The following SNTB1 variants were observed in gnomAD, a reference collection of about 807,000 sequenced individuals.
SNTB1 encodes beta-1-syntrophin.
A neutral mutation model predicts 48.9 loss-of-function variants in SNTB1; 36 were observed. The observed-to-expected ratio is 0.74, with a 90% CI of 0.56 to 0.97. The LOEUF (loss-of-function observed/expected upper bound fraction) is 0.97. Among genes scored for constraint, SNTB1 ranks in the 50% least tolerant of loss-of-function variants. The pLI, the probability that SNTB1 is intolerant of heterozygous loss-of-function variation, is 0.00. For missense variants in SNTB1, 786 were observed against 703.4 expected, an observed-to-expected ratio of 1.12 and a Z score of -1.33; for synonymous variants, 299 against 294.6, an observed-to-expected ratio of 1.01 and a Z score of -0.15.
chr8:120,605,996 C>A (rs1816509939), intron 3 of SNTB1, among the ~76,000 whole-genome samples: 2 of 152,056 alleles, frequency 1.3e-5, no homozygotes, highest in South Asian at 4.1e-4. Flanking sequence ...CCCTACTCGT[C>A]CCTGCATCTG....
chr8:120,772,068 C>T (rs1005673989), intron 1 of SNTB1, among the ~76,000 whole-genome samples: 2 of 152,016 alleles, frequency 1.3e-5, no homozygotes. Context: ...CAAGGTTTCA[C>T]CATGTTGGCC....
intron 2 of SNTB1, chr8:120,636,045 C>A: frequency 1.1e-6 from 1 of 929,412 alleles, no homozygotes; most frequent in Non-Finnish European, 1.5e-6. Flanking sequence ...CTAAAGAACT[C>A]AAGGCTTTTT....
intron 3 of SNTB1, among the ~76,000 whole-genome samples, chr8:120,608,117 A>C (rs1382446726): frequency 1.3e-5 from 2 of 152,212 alleles, no homozygotes; most frequent in Non-Finnish European, 2.9e-5. Flanking sequence ...CTTTGGGATA[A>C]AGCTGCTCTG....
rs549003348 is a variant in SNTB1, at chr8:120,744,486, C to G, written c.572-50578G>C. The stretch of plus-strand genomic sequence containing the variant: ...GGATCATTCTCACCCCCTCAGAATA[C>G]AAATGCAAACCTTTCAGTTACTCTT... On this transcript the variant is annotated intron_variant, in intron 1 of 6. Coordinates refer to ENST00000517992, the MANE Select transcript of SNTB1 (RefSeq NM_021021.4). 4.3e-3 allele frequency among the ~76,000 whole-genome samples: 659 copies of G among 152,250 alleles called. 3 individuals are homozygous for G. Among genetic ancestry groups the G allele is most frequent in the Non-Finnish European group, 6.7e-3 (456 of 68,004 alleles).
intron 3 of SNTB1, among the ~76,000 whole-genome samples, chr8:120,598,222 G>A (rs1327108319): frequency 2.0e-5 from 3 of 152,134 alleles, no homozygotes; most frequent in African/African-American, 7.2e-5. Flanking sequence ...CCTCCAGGAA[G>A]AGTCTCAATT....
At chr8:120,763,228 T>C (rs1439189286) in intron 1 of SNTB1, among the ~76,000 whole-genome samples, 2 of 152,206 alleles carry the variant, frequency 1.3e-5, no homozygotes, top group African/African-American at 4.8e-5. Context: ...ATGATGCCCA[T>C]TGTGAAAAGT....
intron 2 of SNTB1, among the ~76,000 whole-genome samples, chr8:120,667,970 C>A (rs1817701266): frequency 6.6e-6 from 1 of 152,012 alleles, no homozygotes; most frequent in Non-Finnish European, 1.5e-5. Flanking sequence ...GTGCTCAGCA[C>A]TATTTCTTCT....
At chr8:120,557,281 T>C (rs1815580114) in intron 4 of SNTB1, among the ~76,000 whole-genome samples, 1 of 152,158 alleles carries the variant, frequency 6.6e-6, no homozygotes, top group Non-Finnish European at 1.5e-5. Context: ...TTAAGAATAT[T>C]CTCCCCTCAA....
At chr8:120,780,391 T>C (rs1819814196) in intron 1 of SNTB1, among the ~76,000 whole-genome samples, 1 of 152,226 alleles carries the variant, frequency 6.6e-6, no homozygotes, top group Non-Finnish European at 1.5e-5. Flanking sequence ...TGGTGAGTCA[T>C]TCAACGTAAT....
At chr8:120,704,999 G>A (rs369466740) in intron 1 of SNTB1, among the ~76,000 whole-genome samples, 10 of 152,276 alleles carry the variant, frequency 6.6e-5, no homozygotes, top group East Asian at 5.8e-4. Context: ...GAAGTATGCC[G>A]TTCAGAAAAG....
chr8:120,807,343 C>T (rs1820351678), intron 1 of SNTB1, among the ~76,000 whole-genome samples: 1 of 152,224 alleles, frequency 6.6e-6, no homozygotes, highest in Non-Finnish European at 1.5e-5. Flanking sequence ...GCACTGTGCC[C>T]AGCTCCAGAG....
chr8:120,617,701 C>G (rs559450179), intron 3 of SNTB1, among the ~76,000 whole-genome samples: 1 of 152,266 alleles, frequency 6.6e-6, no homozygotes, highest in East Asian at 1.9e-4. Flanking sequence ...CAACCTTGCT[C>G]CATACTCAGA....
intron 3 of SNTB1, among the ~76,000 whole-genome samples, chr8:120,606,098 G>A (rs977266293): frequency 6.6e-6 from 1 of 151,534 alleles, no homozygotes; most frequent in African/African-American, 2.4e-5. Context: ...GATCAGACTA[G>A]GGCTTTGCAG....
chr8:120,548,347 C>T (rs1414375966), intron 5 of SNTB1, among the ~76,000 whole-genome samples: 5 of 152,166 alleles, frequency 3.3e-5, no homozygotes, highest in Non-Finnish European at 7.3e-5. Flanking sequence ...AAGACTCACA[C>T]ACCTGTTTTC....
intron 1 of SNTB1, among the ~76,000 whole-genome samples, chr8:120,706,880 A>G (rs910574737): frequency 6.6e-6 from 1 of 152,212 alleles, no homozygotes. Context: ...AAGCTTTTCC[A>G]AAGGAAACCA....
intron 1 of SNTB1, among the ~76,000 whole-genome samples, chr8:120,743,733 G>C (rs1164775973): frequency 2.0e-5 from 3 of 152,204 alleles, no homozygotes; most frequent in Non-Finnish European, 2.9e-5. Context: ...CAATGAAATA[G>C]CCAAAATCTG....
At chr8:120,723,331 A>G (rs1435322327) in intron 1 of SNTB1, among the ~76,000 whole-genome samples, 1 of 152,220 alleles carries the variant, frequency 6.6e-6, no homozygotes, top group East Asian at 1.9e-4. Context: ...GTACATATAC[A>G]CATATATACT....
chr8:120,773,559 G>T (rs180802093), intron 1 of SNTB1, among the ~76,000 whole-genome samples: 2 of 152,238 alleles, frequency 1.3e-5, no homozygotes, highest in East Asian at 3.9e-4. Context: ...GAGGATACAA[G>T]TATGAGTAAG....
intron 1 of SNTB1, among the ~76,000 whole-genome samples, chr8:120,726,789 C>T (rs1818763033): frequency 6.6e-6 from 1 of 152,132 alleles, no homozygotes; most frequent in Admixed American, 6.5e-5. Context: ...TTTGAAGAGG[C>T]ACATCCTGGC....
Sources: allele counts gnomAD v4.1 joint callset (sites outside exome capture counted in the v4.1 genomes callset), GRCh38; gene constraint gnomAD v4.1.1; transcripts MANE v1.5; gene names NCBI Gene and HGNC (gene_info 2026-07-23, HGNC 2026-07-21).